Variants in FBXL19 observed in about 807,000 individuals in gnomAD.
FBXL19 encodes the protein F-box and leucine rich repeat protein 19.
In FBXL19, 16 loss-of-function variants were observed where a neutral mutation model predicts 71.2. That is an observed-to-expected ratio of 0.22 (90% CI 0.15 to 0.34). The LOEUF (loss-of-function observed/expected upper bound fraction) is 0.34, where lower values mean the gene tolerates loss of function less well. Ranked by LOEUF, FBXL19 falls within the 10% of genes least tolerant of loss-of-function variation. The pLI, the probability that FBXL19 is intolerant of heterozygous loss-of-function variation, is 1.00. For synonymous variants in FBXL19, 447 were observed against 409.4 expected, an observed-to-expected ratio of 1.09 and a Z score of -1.11; for missense variants, 658 against 968.2, an observed-to-expected ratio of 0.68 and a Z score of 4.25.
upstream of FBXL19, chr16:30,923,211 C>T (rs985600032): frequency 4.4e-6 from 2 of 456,306 alleles, no homozygotes; most frequent in African/African-American, 4.0e-5. Context: ...GGAAGGAGGT[C>T]GGGTCGGGGG....
chr16:30,942,331 G>C lies in FBXL19; in HGVS notation c.1466-44G>C. ...GTGGGGACAGGGACAGGCCTGGGAT[G>C]GAGTCCTCACAGCACCTGCTTCCTG... On this transcript the variant is annotated intron_variant, in intron 8 of 10. Coordinates refer to ENST00000338343, the MANE Select transcript of FBXL19 (RefSeq NM_001382779.1). This position sits in a 1 kb window ranked among gnomAD's most constrained non-coding sequence, Gnocchi z 5.7. The C allele has an allele frequency of 1.2e-6, 2 of 1,602,294 alleles. No individual in the cohort carries two copies. Among genetic ancestry groups the C allele is most frequent in the Non-Finnish European group, 1.7e-6 (2 of 1,173,028 alleles).
In FBXL19 at chr16:30,942,919, T is replaced by G. The variant is rs1230075645; in HGVS notation, c.1627+383T>G. 1.3e-5 allele frequency among the ~76,000 whole-genome samples: 2 copies of G among 152,180 alleles called. No homozygotes were observed. The highest frequency in any genetic ancestry group is 4.8e-5 in the African/African-American group (2 of 41,458). ...AGCTCTCCCTGATCCCACCCCACAT[T>G]GAGCTCAGAGTCCCTCTCAGCTTTG... is the stretch of plus-strand genomic sequence containing the variant. On this transcript the variant is annotated intron_variant, in intron 9 of 10. Coordinates refer to ENST00000338343, the MANE Select transcript of FBXL19 (RefSeq NM_001382779.1). This position sits in a 1 kb window ranked among gnomAD's most constrained non-coding sequence, Gnocchi z 5.7.
At chr16:30,940,422 GAAA>G (rs767802078) in intron 7 of FBXL19, among the ~76,000 whole-genome samples, 2 of 124,318 alleles carry the variant, frequency 1.6e-5, no homozygotes, top group Admixed American at 1.6e-4. Context: ...ACTGTCTCAA[GAAA>G]AAAAAAAAAA....
At chr16:30,940,313 A>T (rs1386328469) in intron 7 of FBXL19, among the ~76,000 whole-genome samples, 1 of 151,256 alleles carries the variant, frequency 6.6e-6, no homozygotes, top group Non-Finnish European at 1.5e-5. Context: ...CCAGCTACTC[A>T]GGAGGCTGAG....
At chr16:30,923,230 A>G (rs1326227557), upstream of FBXL19, 9 of 456,152 alleles carry the variant, frequency 2.0e-5, no homozygotes, top group Admixed American at 4.7e-5. Flanking sequence ...GGAGAAGGCC[A>G]TCTTGTTTGT....
rs199881118 is a variant in FBXL19 at position 30,927,912 on chromosome 16, C to T, written c.576C>T (p.Pro192=). Residue 192 remains proline (P), a synonymous_variant, in exon 5 of 11, where the codon CCC becomes CCT. Transcript: ENST00000338343. ...GPPPEDVPGP[P]KRKEREAGNE... is the part of the protein sequence containing the mutation. ...CCCCGGAGGACGTGCCTGGGCCCCCCAAACGAAAGGAAAGGGAGGCAGGGA... is the reference window on the plus strand; with the variant it reads ...CCCCGGAGGACGTGCCTGGGCCCCCTAAACGAAAGGAAAGGGAGGCAGGGA... 9.9e-5 allele frequency: 153 copies of T among 1,544,454 alleles called. No individual in the cohort carries two copies. In the African/African-American group the frequency reaches 1.8e-3, roughly 19 times the overall value.
At chr16:30,937,135 GCCTGGCACACAGTGAAC>G (rs1367300041) in intron 7 of FBXL19, among the ~76,000 whole-genome samples, 1 of 152,110 alleles carries the variant, frequency 6.6e-6, no homozygotes, top group African/African-American at 2.4e-5. Context: ...ATGGGACAGT[GCCTGGCACACAGTGAAC>G]CCTGGATGAT....
rs1344722413 is a variant in FBXL19 at position 30,930,069 on chromosome 16, G to T, written c.790-4G>T. 2.5e-6 allele frequency: 4 copies of T among 1,609,322 alleles called. No homozygotes were observed. The highest frequency in any genetic ancestry group is 3.4e-6 in the Non-Finnish European group (4 of 1,176,830). ...AGAACAGCATCAACCCTGTCTCCCTGCAGAAACCAAAGCCGCCTTTGGCCT... is the reference window on the plus strand; with the variant it reads ...AGAACAGCATCAACCCTGTCTCCCTTCAGAAACCAAAGCCGCCTTTGGCCT... On this transcript the variant is annotated splice_polypyrimidine_tract_variant and splice_region_variant and intron_variant, in intron 6 of 10. Coordinates refer to ENST00000338343, the MANE Select transcript of FBXL19 (RefSeq NM_001382779.1). This position sits in a 1 kb window ranked among gnomAD's most constrained non-coding sequence, Gnocchi z 8.5.
intron 7 of FBXL19, among the ~76,000 whole-genome samples, chr16:30,936,262 T>C (rs1168291215): frequency 6.6e-6 from 1 of 152,136 alleles, no homozygotes; most frequent in African/African-American, 2.4e-5. Flanking sequence ...TGGCCTGGCA[T>C]TCCAGCCCTC....
chr16:30,945,841 G>T (rs1286002097), intron 9 of FBXL19, among the ~76,000 whole-genome samples: 1 of 104,778 alleles, frequency 9.5e-6, no homozygotes, highest in South Asian at 4.4e-4. Flanking sequence ...GCAAGACTCC[G>T]TCTCGGGGAA....
chr16:30,946,660 A>G lies in FBXL19; in HGVS notation c.1628-70A>G. On this transcript the variant is annotated intron_variant, in intron 9 of 10. Transcript: ENST00000338343. The surrounding 1 kb of genome is among the most constrained non-coding windows in gnomAD (Gnocchi z 6.7). ...CTTATGTGGGAAGCAGGTGGAGGGC[A>G]GATGGTCTGGATACCTGGGCGCAGG... 7.0e-7 allele frequency: 1 copy of G among 1,438,040 alleles called. No homozygotes were observed. The highest frequency in any genetic ancestry group is 9.5e-7 in the Non-Finnish European group (1 of 1,057,228). 89.1% of individuals were successfully genotyped at this position (1,438,040 alleles called of 1,614,324 possible). A position where few individuals can be genotyped will look rare whatever the true frequency, so the allele number is the denominator to read the frequency against.
intron 7 of FBXL19, among the ~76,000 whole-genome samples, chr16:30,933,341 A>T (rs1372537731): frequency 6.7e-6 from 1 of 149,704 alleles, no homozygotes; most frequent in Non-Finnish European, 1.5e-5. Context: ...GTTTTGCCAT[A>T]TTGGTCAGGC....
chr16:30,942,143 A>C lies in FBXL19; in HGVS notation c.1329A>C (p.Arg443=). The C allele has an allele frequency of 6.3e-7, 1 of 1,596,872 alleles. No homozygotes were observed. The highest frequency in any genetic ancestry group is 8.5e-7 in the Non-Finnish European group (1 of 1,170,076). Residue 443 remains arginine, a synonymous_variant, in exon 8 of 11, where the codon CGA becomes CGC. Transcript: ENST00000338343. The surrounding 1 kb of genome is among the most constrained non-coding windows in gnomAD (Gnocchi z 5.7). ...RWCYDKRLWP[R]MDLSRRKSLT... is the part of the protein sequence containing the mutation. ...GCTATGACAAGCGTCTGTGGCCTCG[A>C]ATGGACCTGAGCCGGCGGAAGTCAC...
At chr16:30,936,604 T>C (rs1186635110) in intron 7 of FBXL19, among the ~76,000 whole-genome samples, 3 of 147,540 alleles carry the variant, frequency 2.0e-5, no homozygotes, top group Non-Finnish European at 3.0e-5. Context: ...TTTTTTTCTT[T>C]TTTTTTTTTT....
At position 30,946,824 on chromosome 16, in the gene FBXL19, T is replaced by C; in HGVS notation, c.1722T>C (p.Arg574=). ...ATGCCTCCCTGCGTCTCCTGCTGCG[T>C]CACGCACCCCAGCTGAGCGCCCTGG... ...LTDASLRLLL[R]HAPQLSALDL... Residue 574 remains arginine (R), a synonymous_variant, in exon 10 of 11, where the codon CGT becomes CGC. Transcript: ENST00000338343. This position sits in a 1 kb window ranked among gnomAD's most constrained non-coding sequence, Gnocchi z 6.7. The C allele has an allele frequency of 6.2e-7, 1 of 1,612,890 alleles. No individual in the cohort carries two copies. Among genetic ancestry groups the C allele is most frequent in the Non-Finnish European group, 8.5e-7 (1 of 1,179,688 alleles).
upstream of FBXL19, chr16:30,922,948 C>T (rs959753550): frequency 9.5e-6 from 4 of 421,304 alleles, no homozygotes; most frequent in African/African-American, 4.0e-5. Context: ...GTCTCCTCGT[C>T]CTCCTGGTTC....
intron 7 of FBXL19, among the ~76,000 whole-genome samples, chr16:30,937,349 A>C (rs2055750387): frequency 6.6e-6 from 1 of 151,674 alleles, no homozygotes; most frequent in Non-Finnish European, 1.5e-5. Context: ...CTTTCCTCGG[A>C]GTCTCAGGTC....
rs758635419 is a variant in FBXL19, at chr16:30,927,587, G to T, written c.336G>T (p.Glu112Asp). The T allele has an allele frequency of 6.4e-7, 1 of 1,559,774 alleles. No individual in the cohort carries two copies. The change falls in exon 4 of 11, where the codon GAG becomes GAT. Residue 112 changes from glutamate (E) to aspartate (D), a missense_variant. Physicochemically the swap from Glu to Asp is conservative, Grantham distance 45. Around this residue, in one of 8 missense-constraint regions of FBXL19, gnomAD observed 447 missense variants for 515.4 expected, o/e 0.87. Transcript: ENST00000338343. Reference sequence around the variant, plus strand: ...CCTGCCTACAGATGGGGAAGGCTGAGGGTGTCATCAATGCAGAGATCCCCA... The same window carrying T: ...CCTGCCTACAGATGGGGAAGGCTGATGGTGTCATCAATGCAGAGATCCCCA... The part of the protein sequence containing the change: ...HPGCLKMGKA[E>D]GVINAEIPNC...
At chr16:30,931,691 A>G (rs1043589093) in intron 7 of FBXL19, among the ~76,000 whole-genome samples, 3 of 152,162 alleles carry the variant, frequency 2.0e-5, no homozygotes, top group Non-Finnish European at 4.4e-5. Flanking sequence ...ACCAGAGTGC[A>G]GGCTCTGGAG....
Sources: gnomAD v4.1 joint callset for allele counts (sites outside exome capture counted in the v4.1 genomes callset) on GRCh38, gnomAD v4.1.1 for gene constraint, gnomAD v4.1.1 regional missense constraint, Gnocchi (gnomAD v3.1) non-coding constraint, MANE v1.5 for transcripts, NCBI Gene and HGNC (gene_info 2026-07-23, HGNC 2026-07-21) for gene names.